ZC3H12B: variants seen among roughly 807,000 people sequenced by gnomAD.
ZC3H12B encodes the protein zinc finger CCCH-type containing 12B, also known as probable ribonuclease ZC3H12B.
ZC3H12B carries 7 observed loss-of-function variants against 43.9 expected under a neutral mutation model. That is an observed-to-expected ratio of 0.16 (90% CI 0.09 to 0.30). The LOEUF (loss-of-function observed/expected upper bound fraction) is 0.30. ZC3H12B is among the 10% of genes least tolerant of loss of function. ZC3H12B has a pLI of 1.00. For synonymous variants in ZC3H12B, 222 were observed against 241.7 expected, an observed-to-expected ratio of 0.92 and a Z score of 0.76; for missense variants, 475 against 670.2, an observed-to-expected ratio of 0.71 and a Z score of 3.22.
intron 2 of ZC3H12B, among the ~76,000 whole-genome samples, chrX:65,372,501 A>AAAGG (rs542094495): frequency 0.21 from 17,164 of 83,263 alleles, 2,160 homozygotes; most frequent in African/African-American, 0.29. Context: ...GGAAGGAAGG[A>AAAGG]AAGGAAGGAA....
rs760504782 is a variant in ZC3H12B, at chrX:65,502,062, G to A, written c.1364G>A (p.Arg455His). Residue 455 changes from arginine to histidine, a missense_variant, in exon 5 of 5, where the codon CGT (arginine) becomes CAT (histidine). By Grantham distance (29) the Arg-to-His change is conservative (BLOSUM62 0). Coordinates refer to ENST00000338957, the Ensembl canonical transcript of ZC3H12B. Reference sequence around the variant, plus strand: ...CCTGAGGAATGGCTGTCCATTGCCCGTAAGCCTGAGGCTAGTTCTGTCCCC... The same window carrying A: ...CCTGAGGAATGGCTGTCCATTGCCCATAAGCCTGAGGCTAGTTCTGTCCCC... 4.9e-5 allele frequency: 59 copies of A among 1,209,374 alleles called. No homozygotes were observed. Among genetic ancestry groups the A allele is most frequent in the Non-Finnish European group, 6.5e-5 (58 of 894,919 alleles).
intron 2 of ZC3H12B, 130 bp downstream of exon 7, chrX:65,497,401 A>G: frequency 4.9e-6 from 3 of 610,685 alleles, no homozygotes; most frequent in Non-Finnish European, 6.8e-6. Context: ...TATTAAGCAT[A>G]TATTTGAAAA....
At chrX:65,410,682 C>T (rs1346423136) in intron 3 of ZC3H12B, among the ~76,000 whole-genome samples, 2 of 111,270 alleles carry the variant, frequency 1.8e-5, no homozygotes, top group Non-Finnish European at 3.8e-5. Context: ...AAAGTACACA[C>T]AACCCAGAAA....
the ZC3H12B span, among the ~76,000 whole-genome samples, chrX:65,124,595 G>A: frequency 2.7e-5 from 3 of 110,578 alleles, no homozygotes; most frequent in African/African-American, 9.8e-5. Flanking sequence ...ATAGAATTCA[G>A]CTCTGAATTT....
intron 4 of ZC3H12B, 104 bp from the exon 10 acceptor site, chrX:65,501,685 A>G (rs2068368926): frequency 2.3e-6 from 2 of 867,391 alleles, no homozygotes; most frequent in Non-Finnish European, 3.1e-6. Context: ...CCTTTACCCC[A>G]AACAGTAAAA....
At chrX:65,194,193 A>C in the ZC3H12B span, among the ~76,000 whole-genome samples, 1 of 93,527 alleles carries the variant, frequency 1.1e-5, no homozygotes, top group South Asian at 6.0e-4. Flanking sequence ...ATGGATTTTG[A>C]TGTGTCACAT....
chrX:65,249,662 C>T, the ZC3H12B span, among the ~76,000 whole-genome samples: 1 of 111,437 alleles, frequency 9.0e-6, no homozygotes, highest in Non-Finnish European at 1.9e-5. Flanking sequence ...ATCATTTTCA[C>T]AATATTCATT....
At chrX:65,096,577 A>T in the ZC3H12B span, among the ~76,000 whole-genome samples, 4 of 111,504 alleles carry the variant, frequency 3.6e-5, no homozygotes, top group African/African-American at 1.3e-4. Flanking sequence ...GAGCTTGAGG[A>T]TATATCAGTA....
At chrX:65,303,131 A>G in the ZC3H12B span, among the ~76,000 whole-genome samples, 641 of 112,020 alleles carry the variant, frequency 5.7e-3, 3 homozygotes, top group Admixed American at 9.4e-3. Context: ...ACAGTGTATG[A>G]AAGAAATAAC....
the ZC3H12B span, among the ~76,000 whole-genome samples, chrX:65,175,897 A>C: frequency 9.7e-4 from 109 of 112,445 alleles, 2 homozygotes; most frequent in Non-Finnish European, 1.1e-4. Context: ...GTAACCACAG[A>C]CCAGGAGATT....
the ZC3H12B span, among the ~76,000 whole-genome samples, chrX:65,158,547 T>A: frequency 3.6e-5 from 4 of 112,283 alleles, no homozygotes; most frequent in African/African-American, 1.3e-4. Flanking sequence ...TTTTCATGTG[T>A]TTATTGGCTG....
the ZC3H12B span, among the ~76,000 whole-genome samples, chrX:65,297,884 G>T: frequency 1.8e-5 from 2 of 111,450 alleles, no homozygotes; most frequent in Admixed American, 9.5e-5. Flanking sequence ...CAAACAAAAA[G>T]ATAAACTGAG....
chrX:65,501,831 C>A (rs777046305), exon 5 of ZC3H12B: 1 of 1,193,348 alleles, frequency 8.4e-7, no homozygotes, highest in Non-Finnish European at 1.1e-6. Context: ...TACTACCATC[C>A]GGAGCGGGCC....
chrX:65,348,657 A>T, the ZC3H12B span, among the ~76,000 whole-genome samples: 1 of 104,773 alleles, frequency 9.5e-6, no homozygotes. Context: ...AAATAAAGGG[A>T]TGGAGGAATA....
At chrX:65,372,090 G>A (rs1359852209) in intron 2 of ZC3H12B, among the ~76,000 whole-genome samples, 1 of 112,222 alleles carries the variant, frequency 8.9e-6, no homozygotes, top group Non-Finnish European at 1.9e-5. Context: ...CAGAAAATGT[G>A]TAGTTTCTGG....
At chrX:65,248,157 C>T in the ZC3H12B span, among the ~76,000 whole-genome samples, 1 of 110,466 alleles carries the variant, frequency 9.1e-6, no homozygotes, top group African/African-American at 3.3e-5. Context: ...CTGCCTCAGC[C>T]TCCTGAGTAG....
At chrX:65,131,124 T>C in the ZC3H12B span, among the ~76,000 whole-genome samples, 1 of 111,174 alleles carries the variant, frequency 9.0e-6, no homozygotes, top group South Asian at 3.8e-4. Context: ...TTTGTAAGAG[T>C]GTGGACTCGA....
upstream of ZC3H12B, among the ~76,000 whole-genome samples, chrX:65,364,506 T>A (rs1246402996): frequency 9.1e-6 from 1 of 110,347 alleles, no homozygotes; most frequent in Non-Finnish European, 1.9e-5. Flanking sequence ...ATAATGTAGC[T>A]AAAAAAGCAG....
chrX:65,388,637 C>T (rs1035058185), intron 2 of ZC3H12B, among the ~76,000 whole-genome samples: 2 of 111,994 alleles, frequency 1.8e-5, no homozygotes, highest in Non-Finnish European at 3.8e-5. Flanking sequence ...CTTCTTCTCT[C>T]AACTCGTCAA....
Sources: gnomAD v4.1 joint callset for allele counts (sites outside exome capture counted in the v4.1 genomes callset) on GRCh38, gnomAD v4.1.1 for gene constraint, MANE v1.5 for transcripts, NCBI Gene and HGNC (gene_info 2026-07-23, HGNC 2026-07-21) for gene names.